The following SLC44A5 variants were observed in gnomAD, a reference collection of about 807,000 sequenced individuals.
SLC44A5 encodes choline transporter-like protein 5.
A neutral mutation model predicts 101.8 loss-of-function variants in SLC44A5; 57 were observed. The ratio of observed to expected loss-of-function variants is 0.56; its 90% CI spans 0.45 to 0.70. The LOEUF (loss-of-function observed/expected upper bound fraction) is 0.70, where lower values mean the gene tolerates loss of function less well. Among genes scored for constraint, SLC44A5 ranks in the 30% least tolerant of loss-of-function variants. The probability of loss-of-function intolerance (pLI) is 0.00; values close to 1 mark genes in which losing one functional copy is unlikely to be tolerated. For missense variants in SLC44A5, 737 were observed against 853.1 expected, an observed-to-expected ratio of 0.86 and a Z score of 1.70; for synonymous variants, 281 against 290.9, an observed-to-expected ratio of 0.97 and a Z score of 0.35.
At chr1:75,524,097 G>A (rs923810537) in intron 2 of SLC44A5, among the ~76,000 whole-genome samples, 4 of 152,324 alleles carry the variant, frequency 2.6e-5, no homozygotes, top group African/African-American at 4.8e-5. Flanking sequence ...AAAGGACCAC[G>A]TGGGAGGTGA....
At position 75,414,768 on chromosome 1, in the gene SLC44A5, T is replaced by A. The variant is rs140629655; in HGVS notation, c.14-18147A>T. Among the ~76,000 whole-genome samples the A allele has an allele frequency of 2.0e-4, 30 of 152,182 alleles. No homozygotes were observed. In the East Asian group the frequency reaches 5.8e-3, roughly 29 times the overall value. On this transcript the variant is annotated intron_variant, in intron 2 of 23. Transcript: ENST00000370859. ...GAAGCCTATGAGGAAGGAGAAAGCATGCATATTAAAGGATCTAATAAAAGT... is the reference window on the plus strand; with the variant it reads ...GAAGCCTATGAGGAAGGAGAAAGCAAGCATATTAAAGGATCTAATAAAAGT...
At chr1:75,551,018 G>A (rs1026794109) in intron 1 of SLC44A5, among the ~76,000 whole-genome samples, 3 of 152,148 alleles carry the variant, frequency 2.0e-5, no homozygotes, top group Non-Finnish European at 4.4e-5. Context: ...GGTAATTGAT[G>A]TAAAGTTTTT....
At chr1:75,240,664 C>A (rs1326997147) in intron 9 of SLC44A5, among the ~76,000 whole-genome samples, 1 of 151,972 alleles carries the variant, frequency 6.6e-6, no homozygotes, top group East Asian at 1.9e-4. Flanking sequence ...TCTTTTATGA[C>A]CCAGGGAAGA....
chr1:75,455,184 C>T (rs1051780435), intron 2 of SLC44A5, among the ~76,000 whole-genome samples: 16 of 151,948 alleles, frequency 1.1e-4, no homozygotes, highest in African/African-American at 3.6e-4. Flanking sequence ...ATCAATAGAA[C>T]AGAATAGAGA....
At chr1:75,308,905 T>A (rs189936903) in intron 4 of SLC44A5, among the ~76,000 whole-genome samples, 2 of 152,282 alleles carry the variant, frequency 1.3e-5, no homozygotes, top group East Asian at 3.9e-4. Flanking sequence ...AGCATACACA[T>A]TAAAGTGAGG....
chr1:75,371,607 C>A (rs1196943959), intron 3 of SLC44A5, among the ~76,000 whole-genome samples: 1 of 152,004 alleles, frequency 6.6e-6, no homozygotes, highest in Non-Finnish European at 1.5e-5. Flanking sequence ...TCAGATCCAT[C>A]CCAGAGTAGC....
At chr1:75,325,701 T>G (rs1482949089) in intron 4 of SLC44A5, among the ~76,000 whole-genome samples, 1 of 152,100 alleles carries the variant, frequency 6.6e-6, no homozygotes, top group Non-Finnish European at 1.5e-5. Flanking sequence ...GGTATGTATG[T>G]ATAGGAAAAT....
At chr1:75,628,472 G>A in the SLC44A5 span, among the ~76,000 whole-genome samples, 3 of 152,110 alleles carry the variant, frequency 2.0e-5, no homozygotes, top group Non-Finnish European at 2.9e-5. Flanking sequence ...CATAAGCTGT[G>A]TTTCAAGCAA....
At chr1:75,396,516 A>C (rs973300910) in intron 3 of SLC44A5, 67 bp downstream of exon 3, 1 of 1,249,526 alleles carries the variant, frequency 8.0e-7, no homozygotes, top group African/African-American at 1.5e-5. Context: ...TAAAAGAATC[A>C]CATATTTCTC....
chr1:75,536,654 TAAAAAA>T (rs1671031904), intron 2 of SLC44A5, among the ~76,000 whole-genome samples: 1 of 138,948 alleles, frequency 7.2e-6, no homozygotes, highest in African/African-American at 2.6e-5. Context: ...TGGCCCATGA[TAAAAAA>T]TAAATAAATA....
chr1:75,558,254 A>C (rs1672325850), intron 1 of SLC44A5, among the ~76,000 whole-genome samples: 1 of 152,170 alleles, frequency 6.6e-6, no homozygotes, highest in African/African-American at 2.4e-5. Flanking sequence ...ATTTAGAAAC[A>C]TACTCTCTAA....
intron 2 of SLC44A5, among the ~76,000 whole-genome samples, chr1:75,437,629 C>A (rs1481585859): frequency 6.6e-6 from 1 of 152,048 alleles, no homozygotes; most frequent in African/African-American, 2.4e-5. Flanking sequence ...AATGAAATAA[C>A]AGAGTTGTCC....
the SLC44A5 span, among the ~76,000 whole-genome samples, chr1:75,690,094 G>A: frequency 6.6e-6 from 1 of 152,132 alleles, no homozygotes; most frequent in Non-Finnish European, 1.5e-5. Context: ...AAGGAATGGT[G>A]TTTTAGTCCA....
chr1:75,217,481 C>T (rs181619682), intron 18 of SLC44A5, among the ~76,000 whole-genome samples: 24 of 152,060 alleles, frequency 1.6e-4, no homozygotes, highest in Non-Finnish European at 2.5e-4. Flanking sequence ...GATTTATGCC[C>T]GTGACACCCA....
intron 3 of SLC44A5, among the ~76,000 whole-genome samples, chr1:75,376,189 C>T (rs1261950446): frequency 3.9e-5 from 6 of 152,242 alleles, no homozygotes; most frequent in African/African-American, 1.4e-4. Context: ...GGGTCCTACG[C>T]CCATGGAGTC....
intron 3 of SLC44A5, among the ~76,000 whole-genome samples, chr1:75,347,861 T>A (rs1658368745): frequency 6.6e-6 from 1 of 152,164 alleles, no homozygotes; most frequent in Admixed American, 6.5e-5. Flanking sequence ...GAAATGTCGA[T>A]GAAATTTTTT....
At chr1:75,330,714 T>A (rs1369573877) in intron 4 of SLC44A5, among the ~76,000 whole-genome samples, 1 of 152,178 alleles carries the variant, frequency 6.6e-6, no homozygotes, top group African/African-American at 2.4e-5. Context: ...GAAAGTGTTG[T>A]CTTTATTGCC....
intron 7 of SLC44A5, 25 bp downstream of exon 7, chr1:75,251,185 A>G: frequency 6.4e-7 from 1 of 1,554,942 alleles, no homozygotes; most frequent in South Asian, 1.1e-5. Context: ...GGCTGACACT[A>G]CCAGTGAGGC....
chr1:75,660,912 C>A, the SLC44A5 span, among the ~76,000 whole-genome samples: 4 of 152,048 alleles, frequency 2.6e-5, no homozygotes, highest in East Asian at 5.8e-4. Flanking sequence ...ACTTTGTAGA[C>A]CCAAAGAAAT....
Sources: gnomAD v4.1 joint callset for allele counts (sites outside exome capture counted in the v4.1 genomes callset) on GRCh38, gnomAD v4.1.1 for gene constraint, MANE v1.5 for transcripts, NCBI Gene and HGNC (gene_info 2026-07-23, HGNC 2026-07-21) for gene names.